Variants in SELENOV observed in about 807,000 individuals in gnomAD.
SELENOV encodes selenoprotein V.
A neutral mutation model predicts 21.6 loss-of-function variants in SELENOV; 25 were observed. That is an observed-to-expected ratio of 1.16 (90% CI 0.84 to 1.62). The LOEUF (loss-of-function observed/expected upper bound fraction) is 1.62. SELENOV is among the 40% of genes most tolerant of loss of function. The pLI is 0.00. For missense variants in SELENOV, 472 were observed against 459.0 expected (o/e 1.03, Z -0.26); for synonymous variants, 227 against 216.9 (o/e 1.05, Z -0.41).
In SELENOV at chr19:39,515,676, C is replaced by T. The variant is rs370391158; in HGVS notation, c.464C>T (p.Pro155Leu). The change falls in exon 1 of 6, where the codon CCG (proline) becomes CTG (leucine). Residue 155 changes from proline to leucine, a missense_variant. Coordinates refer to ENST00000335426, the Ensembl canonical transcript of SELENOV. This position sits in a 1 kb window ranked among gnomAD's most constrained non-coding sequence, Gnocchi z 5.1. ...CCGGCCCTACCTTTGGATCCGCCCC[C>T]GGAACCTGCTCCGGAGCTGCCTTTG... The T allele has an allele frequency of 8.8e-4, 1,359 of 1,548,816 alleles. 18 individuals are homozygous for T. In the South Asian group the frequency reaches 0.015, roughly 18 times the overall value.
At chr19:39,520,288 T>A (rs2079721840) in exon 6 of SELENOV, 1 of 151,184 alleles carries the variant, frequency 6.6e-6, no homozygotes, top group Non-Finnish European at 1.5e-5. Flanking sequence ...TCTGACTGTG[T>A]CTGCTGTCGC....
intron 1 of SELENOV, among the ~76,000 whole-genome samples, chr19:39,518,267 T>C (rs960259078): frequency 1.7e-5 from 2 of 119,806 alleles, no homozygotes; most frequent in Non-Finnish European, 3.3e-5. Context: ...CGAGACTCCG[T>C]CTCAAAAAAA....
In SELENOV at chr19:39,519,233, G is replaced by A. The variant is rs545277366; in HGVS notation, c.*22+63G>A. ...GGAGGCCGGGTAGGAGGATGGGGCA[G>A]GGCTCTGTCTCAGTCCTGATCCTAG... is the stretch of plus-strand genomic sequence containing the variant. On this transcript the variant is annotated intron_variant, in intron 5 of 5. Coordinates refer to ENST00000335426, the Ensembl canonical transcript of SELENOV. The A allele has an allele frequency of 1.2e-5, 14 of 1,121,774 alleles. No individual in the cohort carries two copies. The African/African-American group carries it at 1.5e-4, about 12-fold the overall frequency. 69.5% of individuals were successfully genotyped at this position (1,121,774 alleles called of 1,614,324 possible).
chr19:39,519,096 C>G, exon 5 of SELENOV: 2 of 1,613,742 alleles, frequency 1.2e-6, no homozygotes, highest in Non-Finnish European at 1.7e-6. Context: ...GTGAACGAGT[C>G]CAGGCTGCAG....
At chr19:39,520,607 A>G (rs2079723394) in exon 6 of SELENOV, 1 of 152,190 alleles carries the variant, frequency 6.6e-6, no homozygotes, top group Non-Finnish European at 1.5e-5. Flanking sequence ...CTAAACCTGT[A>G]AGATCTATGT....
At chr19:39,516,334 C>G (rs1046492432) in intron 1 of SELENOV, 11 of 515,748 alleles carry the variant, frequency 2.1e-5, no homozygotes, top group Non-Finnish European at 4.0e-5. Context: ...ACTTTGCTCC[C>G]CAGCAAGACC....
Position 39,515,334 on chromosome 19 carries a change from C to A in SELENOV, c.122C>A (p.Thr41Asn), listed in dbSNP as rs2144771610. ...ACCCCGACTCCGGTCCGGACTCGGACCCCCATCCGGACCCTGACTCCAGTC... is the reference window on the plus strand; with the variant it reads ...ACCCCGACTCCGGTCCGGACTCGGAACCCCATCCGGACCCTGACTCCAGTC... Residue 41 changes from threonine to asparagine, a missense_variant, in exon 1 of 6, where the codon ACC (threonine) becomes AAC (asparagine). Thr to Asn is a moderately conservative substitution (Grantham distance 65). Coordinates refer to ENST00000335426, the Ensembl canonical transcript of SELENOV. The surrounding 1 kb of genome is among the most constrained non-coding windows in gnomAD (Gnocchi z 5.1). 1.3e-6 allele frequency: 2 copies of A among 1,551,500 alleles called. No individual in the cohort carries two copies. The highest frequency in any genetic ancestry group is 1.7e-4 in the Middle Eastern group (1 of 5,992).
In SELENOV at chr19:39,515,524, G is replaced by A. The variant is rs1376563296; in HGVS notation, c.312G>A (p.Arg104=). Residue 104 remains arginine, a synonymous_variant, in exon 1 of 6, where the codon CGG becomes CGA. Transcript: ENST00000335426. This position sits in a 1 kb window ranked among gnomAD's most constrained non-coding sequence, Gnocchi z 5.1. The stretch of plus-strand genomic sequence containing the variant: ...CGGTGCCGACTCCCGTTCCCGTCCG[G>A]AACCCAACTCCGGTCCCGACTCCGG... 1.3e-6 allele frequency: 2 copies of A among 1,550,792 alleles called. No homozygotes were observed. The highest frequency in any genetic ancestry group is 2.4e-5 in the South Asian group (2 of 84,052).
chr19:39,519,491 A>G (rs903378826), intron 5 of SELENOV, among the ~76,000 whole-genome samples: 5 of 139,838 alleles, frequency 3.6e-5, no homozygotes, highest in Non-Finnish European at 6.1e-5. Context: ...TACAAAAAAT[A>G]ATAAATAAAT....
intron 2 of SELENOV, 31 bp downstream of exon 2, chr19:39,518,663 A>G: frequency 1.9e-6 from 3 of 1,612,246 alleles, no homozygotes; most frequent in Non-Finnish European, 2.5e-6. Flanking sequence ...AGGTAGGGGG[A>G]GCCTGAGGCA....
In SELENOV at chr19:39,518,892, T is replaced by C. The variant is rs761486521; in HGVS notation, c.889-11T>C. 6.2e-7 allele frequency: 1 copy of C among 1,613,782 alleles called. No homozygotes were observed. Among genetic ancestry groups the C allele is most frequent in the South Asian group, 1.1e-5 (1 of 91,074 alleles). On this transcript the variant is annotated splice_polypyrimidine_tract_variant and intron_variant, in intron 3 of 5. Transcript: ENST00000335426. ...AGCTTAGCCTCCCCTACGCTCACCA[T>C]TTCCTCCCAGGAGGAGGACAGAGCT...
chr19:39,517,964 CAAAAAAAAAA>C (rs56157115), intron 1 of SELENOV, among the ~76,000 whole-genome samples: 4 of 12,362 alleles, frequency 3.2e-4, no homozygotes, highest in Non-Finnish European at 4.3e-4. Flanking sequence ...GACTCTGTCT[CAAAAAAAAAA>C]AAAAAAAAAA....
At chr19:39,518,658 G>T (rs746039785) in intron 2 of SELENOV, 26 bp downstream of exon 2, 6 of 1,611,604 alleles carry the variant, frequency 3.7e-6, no homozygotes. Flanking sequence ...TTTGGAGGTA[G>T]GGGGAGCCTG....
At chr19:39,517,754 A>G (rs544507057) in intron 1 of SELENOV, among the ~76,000 whole-genome samples, 1 of 151,946 alleles carries the variant, frequency 6.6e-6, no homozygotes, top group Non-Finnish European at 1.5e-5. Flanking sequence ...CAGGTGTTGA[A>G]GACCAGCCTG....
intron 1 of SELENOV, among the ~76,000 whole-genome samples, chr19:39,518,294 C>CAAAAAAAAA (rs56055153): frequency 5.1e-4 from 55 of 107,186 alleles, no homozygotes; most frequent in African/African-American, 1.0e-3. Flanking sequence ...AACAAAAAAA[C>CAAAAAAAAA]AAAAAAAAAA....
chr19:39,515,436 C>G lies in SELENOV; in HGVS notation c.224C>G (p.Thr75Ser). 2.6e-6 allele frequency: 4 copies of G among 1,551,654 alleles called. No individual in the cohort carries two copies. Among genetic ancestry groups the G allele is most frequent in the Non-Finnish European group, 3.5e-6 (4 of 1,146,974 alleles). Residue 75 changes from threonine to serine, a missense_variant, in exon 1 of 6, where the codon ACT (threonine) becomes AGT (serine). Coordinates refer to ENST00000335426, the Ensembl canonical transcript of SELENOV. The surrounding 1 kb of genome is among the most constrained non-coding windows in gnomAD (Gnocchi z 5.1). ...GCCCAGATTCCCACTCTGGTCCCCACTCCCGCTCTGGCCCGGATCCCCCGT... is the reference window on the plus strand; with the variant it reads ...GCCCAGATTCCCACTCTGGTCCCCAGTCCCGCTCTGGCCCGGATCCCCCGT...
Position 39,515,779 on chromosome 19 carries a change from G to A in SELENOV, c.567G>A (p.Pro189=). ...TCTCCAGCGAGGCCGGGCCCGCCCC[G>A]GGGCCCCTTCCCACGCGCACCCCGC... The change falls in exon 1 of 6, where the codon CCG becomes CCA. Residue 189 remains proline, a synonymous_variant. Transcript: ENST00000335426. The surrounding 1 kb of genome is among the most constrained non-coding windows in gnomAD (Gnocchi z 5.1). 6.5e-7 allele frequency: 1 copy of A among 1,549,190 alleles called. No homozygotes were observed. Among genetic ancestry groups the A allele is most frequent in the Non-Finnish European group, 8.7e-7 (1 of 1,146,246 alleles).
rs12327825 is a variant in SELENOV at position 39,518,460 on chromosome 19, G to A, written c.810-148G>A. 3,613 of 784,200 alleles carry A rather than the reference G, an allele frequency of 4.6e-3. 112 individuals are homozygous for A. The African/African-American group carries it at 0.056, about 12-fold the overall frequency. The allele number at this position is 784,200 out of a possible 1,614,324, so 48.6% of individuals were successfully genotyped here. ...CGGGAAGGACTGGTTTTTCCCCTGC[G>A]TGAGATGGCACTACTTCGGGATTCT... On this transcript the variant is annotated intron_variant, in intron 1 of 5. Coordinates refer to ENST00000335426, the Ensembl canonical transcript of SELENOV.
Position 39,516,101 on chromosome 19 carries a change from T to A in SELENOV, c.809+80T>A, listed in dbSNP as rs528389993. ...GGCTGGGTCTCCGGGGACGTGGAGG[T>A]CAGGGTTGGGGTAGGGCGAGGGGAG... is the stretch of plus-strand genomic sequence containing the variant. On this transcript the variant is annotated intron_variant, in intron 1 of 5. Coordinates refer to ENST00000335426, the Ensembl canonical transcript of SELENOV. 6 of 1,305,660 alleles carry A rather than the reference T, an allele frequency of 4.6e-6. No individual in the cohort carries two copies. The East Asian group carries it at 1.5e-4, about 33-fold the overall frequency. The allele number at this position is 1,305,660 out of a possible 1,614,324, so 80.9% of individuals were successfully genotyped here.
Sources: gnomAD v4.1 joint callset for allele counts (sites outside exome capture counted in the v4.1 genomes callset) on GRCh38, gnomAD v4.1.1 for gene constraint, Gnocchi (gnomAD v3.1) non-coding constraint, MANE v1.5 for transcripts, NCBI Gene and HGNC (gene_info 2026-07-23, HGNC 2026-07-21) for gene names.